The following KIAA0319L variants were observed in gnomAD, a reference collection of about 807,000 sequenced individuals.
The protein encoded by KIAA0319L is dyslexia-associated protein KIAA0319-like protein.
KIAA0319L carries 55 observed loss-of-function variants against 120.1 expected under a neutral mutation model. The ratio of observed to expected loss-of-function variants is 0.46; its 90% confidence interval spans 0.37 to 0.57. The LOEUF (loss-of-function observed/expected upper bound fraction) is 0.57, where lower values mean the gene tolerates loss of function less well. Ranked by LOEUF, KIAA0319L falls within the 20% of genes least tolerant of loss-of-function variation. The probability of loss-of-function intolerance (pLI) is 0.00; values close to 1 mark genes in which losing one functional copy is unlikely to be tolerated. For missense variants in KIAA0319L, 1,049 were observed against 1,255.3 expected (o/e 0.84, Z 2.48); for synonymous variants, 398 against 471.9 (o/e 0.84, Z 2.03).
intron 2 of KIAA0319L, among the ~76,000 whole-genome samples, chr1:35,515,404 A>G (rs1416290019): frequency 6.6e-6 from 1 of 152,200 alleles, no homozygotes; most frequent in African/African-American, 2.4e-5. Context: ...AAAATCACTC[A>G]AAACCATGCA....
In KIAA0319L at chr1:35,506,450, T is replaced by C. The variant is rs1208416835; in HGVS notation, c.666+162A>G. Among the ~76,000 whole-genome samples the C allele has an allele frequency of 6.6e-6, 1 of 152,226 alleles. No individual in the cohort carries two copies. Among genetic ancestry groups the C allele is most frequent in the Non-Finnish European group, 1.5e-5 (1 of 68,026 alleles). ...ACATCTCTAGGGTCAAATTACCCTT[T>C]GTACATCTGGGCAGCACCAAAGAAG... On this transcript the variant is annotated intron_variant, in intron 3 of 20. Coordinates refer to ENST00000325722, the MANE Select transcript of KIAA0319L (RefSeq NM_024874.5). This position sits in a 1 kb window ranked among gnomAD's most constrained non-coding sequence, Gnocchi z 4.0.
chr1:35,463,468 G>A (rs979501124), intron 7 of KIAA0319L, among the ~76,000 whole-genome samples: 3 of 152,146 alleles, frequency 2.0e-5, no homozygotes, highest in Non-Finnish European at 4.4e-5. Flanking sequence ...CTGATGGGTG[G>A]TTTCTCAACC....
At chr1:35,475,822 T>C (rs1643883756) in intron 4 of KIAA0319L, among the ~76,000 whole-genome samples, 1 of 152,190 alleles carries the variant, frequency 6.6e-6, no homozygotes, top group East Asian at 1.9e-4. Context: ...AACCTGCCAT[T>C]AGAGAACCAT....
intron 3 of KIAA0319L, among the ~76,000 whole-genome samples, chr1:35,479,725 C>T (rs1309258904): frequency 3.3e-5 from 5 of 151,688 alleles, no homozygotes; most frequent in Admixed American, 6.6e-5. Context: ...GACAATATGG[C>T]GAGACCCTGT....
intron 13 of KIAA0319L, among the ~76,000 whole-genome samples, chr1:35,450,996 C>T (rs565406847): frequency 6.6e-6 from 1 of 152,316 alleles, no homozygotes; most frequent in South Asian, 2.1e-4. Flanking sequence ...CGGAGCCCCA[C>T]GTGAAGCTCT....
chr1:35,456,036 TGC>T lies in KIAA0319L; in HGVS notation c.1631_1632del (p.Ser544LysfsTer11). ...ACCTGCATCTCCACCACTTTCCCTT[TGC>T]TGCTTGGGCTGAGTGACCACTCATA... ...TSYEWSLSPSSKGKVVEMQGV... is the reference protein window; with the variant it reads ...TSYEWSLSPSXKGKVVEMQGV... On this transcript the variant is annotated frameshift_variant, in exon 10 of 21. Coordinates refer to ENST00000325722, the MANE Select transcript of KIAA0319L (RefSeq NM_024874.5). LOFTEE classifies it high-confidence loss of function. 6.2e-7 allele frequency: 1 copy of T among 1,613,494 alleles called. No homozygotes were observed. The highest frequency in any genetic ancestry group is 1.3e-5 in the African/African-American group (1 of 75,020).
At chr1:35,513,913 T>C (rs917203529) in intron 2 of KIAA0319L, among the ~76,000 whole-genome samples, 1 of 152,190 alleles carries the variant, frequency 6.6e-6, no homozygotes, top group Non-Finnish European at 1.5e-5. Context: ...CCACAAAACA[T>C]AGGAGAATTA....
chr1:35,477,396 G>C (rs184090957), intron 4 of KIAA0319L, among the ~76,000 whole-genome samples: 3 of 152,128 alleles, frequency 2.0e-5, no homozygotes, highest in African/African-American at 7.2e-5. Context: ...GGCCGGGCGC[G>C]GTGGCTCACG....
At chr1:35,508,292 G>A (rs1469724493) in intron 2 of KIAA0319L, among the ~76,000 whole-genome samples, 1 of 152,100 alleles carries the variant, frequency 6.6e-6, no homozygotes, top group Non-Finnish European at 1.5e-5. Flanking sequence ...ATATATGTTA[G>A]AATTACATAG....
Position 35,451,742 on chromosome 1 carries a change from T to C in KIAA0319L, c.1948A>G (p.Ser650Gly), listed in dbSNP as rs929808055. The C allele has an allele frequency of 1.9e-6, 3 of 1,614,038 alleles. No individual in the cohort carries two copies. The highest frequency in any genetic ancestry group is 2.2e-5 in the East Asian group (1 of 44,884). ...AGCCCAGTCACAGTAGCAACACTGC[T>C]GTTAGCATTCTCGAGCTGCACCCCA... is the stretch of plus-strand genomic sequence containing the variant. ...PDGVQLENAN[S>G]SVATVTGLQV... is the part of the protein sequence containing the mutation. The change falls in exon 13 of 21, where the codon AGC becomes GGC. Residue 650 changes from serine (S) to glycine (G), a missense_variant. Physicochemically the swap from Ser to Gly is moderately conservative, Grantham distance 56. Transcript: ENST00000325722.
chr1:35,462,999 A>G lies in KIAA0319L; in HGVS notation c.1202-286T>C, dbSNP rs1570689546. On this transcript the variant is annotated intron_variant, in intron 7 of 20. Transcript: ENST00000325722. ...TAGATCCCTTGCGTGTGCAGTTCAC[A>G]ATAAGGTTCATCCTCCTGTGAGAAT... 2.0e-5 allele frequency among the ~76,000 whole-genome samples: 3 copies of G among 152,266 alleles called. No homozygotes were observed. In the South Asian group the frequency reaches 6.2e-4, roughly 32 times the overall value.
intron 8 of KIAA0319L, among the ~76,000 whole-genome samples, chr1:35,461,750 A>T (rs1329704680): frequency 6.6e-6 from 1 of 152,166 alleles, no homozygotes; most frequent in Non-Finnish European, 1.5e-5. Context: ...AAAACAGTAC[A>T]ACGTGAGCCC....
chr1:35,484,599 C>T (rs1344546384), intron 3 of KIAA0319L, among the ~76,000 whole-genome samples: 4 of 151,378 alleles, frequency 2.6e-5, no homozygotes, highest in African/African-American at 9.7e-5. Flanking sequence ...GGCAGTTTTG[C>T]TTCTTCATTT....
intron 4 of KIAA0319L, among the ~76,000 whole-genome samples, chr1:35,475,792 A>G (rs905877464): frequency 6.6e-6 from 1 of 152,142 alleles, no homozygotes; most frequent in African/African-American, 2.4e-5. Context: ...CTCCCATATC[A>G]TATTTAAGGA....
At chr1:35,520,414 G>C (rs1645865418) in intron 2 of KIAA0319L, among the ~76,000 whole-genome samples, 2 of 151,446 alleles carry the variant, frequency 1.3e-5, no homozygotes, top group Non-Finnish European at 1.5e-5. Flanking sequence ...TTTTCTTTAA[G>C]ACAGGGTCTC....
chr1:35,452,848 A>C (rs1336129373), intron 12 of KIAA0319L, among the ~76,000 whole-genome samples: 1 of 152,080 alleles, frequency 6.6e-6, no homozygotes, highest in Non-Finnish European at 1.5e-5. Flanking sequence ...CAAACAAACA[A>C]ACAAACAAAC....
At chr1:35,521,506 C>G (rs563370641) in intron 2 of KIAA0319L, among the ~76,000 whole-genome samples, 6 of 151,236 alleles carry the variant, frequency 4.0e-5, no homozygotes, top group African/African-American at 1.5e-4. Flanking sequence ...TGGTGGTGGG[C>G]ACCTGCAGTC....
chr1:35,524,731 C>T (rs1261300449), intron 2 of KIAA0319L, among the ~76,000 whole-genome samples: 1 of 152,144 alleles, frequency 6.6e-6, no homozygotes. Flanking sequence ...AAAGTTTGTA[C>T]ATATTTATGG....
chr1:35,536,652 A>G (rs1646583453), intron 2 of KIAA0319L, among the ~76,000 whole-genome samples: 1 of 152,212 alleles, frequency 6.6e-6, no homozygotes, highest in African/African-American at 2.4e-5. Flanking sequence ...TTAATAAATC[A>G]AAAGTTTGCA....
Sources: allele counts gnomAD v4.1 joint callset (sites outside exome capture counted in the v4.1 genomes callset), GRCh38; gene constraint gnomAD v4.1.1; non-coding constraint Gnocchi (gnomAD v3.1); transcripts MANE v1.5; gene names NCBI Gene and HGNC (gene_info 2026-07-23, HGNC 2026-07-21).